The following ANKRD13C variants were observed in gnomAD, a reference collection of about 807,000 sequenced individuals.
ANKRD13C encodes the protein ankyrin repeat domain-containing protein 13C.
Under a neutral mutation model 65.5 loss-of-function variants are expected in ANKRD13C, and 16 were observed. The ratio of observed to expected loss-of-function variants is 0.24; its 90% CI spans 0.17 to 0.37. ANKRD13C has a LOEUF of 0.37. Among genes scored for constraint, ANKRD13C ranks in the 10% least tolerant of loss-of-function variants. ANKRD13C has a pLI of 1.00. For synonymous variants in ANKRD13C, 235 were observed against 238.7 expected, an observed-to-expected ratio of 0.98 and a Z score of 0.14; for missense variants, 503 against 655.9, an observed-to-expected ratio of 0.77 and a Z score of 2.55.
chr1:70,302,296 C>G (rs1477643395), intron 6 of ANKRD13C, among the ~76,000 whole-genome samples: 1 of 150,888 alleles, frequency 6.6e-6, no homozygotes, highest in African/African-American at 2.4e-5. Flanking sequence ...CTCATCAACT[C>G]ACACAGGGGC....
At chr1:70,283,613 G>A (rs1679494850) in intron 9 of ANKRD13C, among the ~76,000 whole-genome samples, 1 of 151,896 alleles carries the variant, frequency 6.6e-6, no homozygotes, top group Non-Finnish European at 1.5e-5. Flanking sequence ...TCAGGAGTTC[G>A]AGACCAGCCT....
At position 70,354,277 on chromosome 1, in the gene ANKRD13C, G is replaced by A; in HGVS notation, c.132C>T (p.Gly44=). 1 of 1,613,762 alleles carries A rather than the reference G, an allele frequency of 6.2e-7. No homozygotes were observed. The highest frequency in any genetic ancestry group is 8.5e-7 in the Non-Finnish European group (1 of 1,180,020). Residue 44 remains glycine, a synonymous_variant, in exon 1 of 13, where the codon GGC becomes GGT. Coordinates refer to ENST00000370944, the MANE Select transcript of ANKRD13C (RefSeq NM_030816.5). ...TCTTATGACAAGCTTTGCCGCCCTT[G>A]CCAATCCTGCTTCTGGTAAAGGTAC... ...LGGTFTRSRI[G]KGGKACHKIF...
chr1:70,337,520 G>A (rs1050568520), intron 1 of ANKRD13C, among the ~76,000 whole-genome samples: 2 of 152,034 alleles, frequency 1.3e-5, no homozygotes, highest in Non-Finnish European at 2.9e-5. Flanking sequence ...GACAGAGGTT[G>A]CAGTGAGCCA....
At chr1:70,304,619 G>A (rs150111864) in intron 6 of ANKRD13C, among the ~76,000 whole-genome samples, 1,649 of 151,944 alleles carry the variant, frequency 0.011, 31 homozygotes, top group African/African-American at 0.038. Flanking sequence ...GGCTGGTCTC[G>A]AACTCCAGGA....
chr1:70,270,926 G>A lies in ANKRD13C; in HGVS notation c.1425C>T (p.Pro475=), dbSNP rs540147942. The change falls in exon 12 of 13, where the codon CCC becomes CCT. Residue 475 remains proline (P), a synonymous_variant. Transcript: ENST00000370944. ...LLLNVLEVVA[P]FKHFNKLREF... ...CTCTAAGCTTGTTAAAGTGCTTGAA[G>A]GGAGCTACTACTTCTAAAACATTCA... is the stretch of plus-strand genomic sequence containing the variant. 1.8e-5 allele frequency: 29 copies of A among 1,612,468 alleles called. No individual in the cohort carries two copies. Among genetic ancestry groups the A allele is most frequent in the Non-Finnish European group, 2.4e-5 (28 of 1,178,896 alleles).
At chr1:70,295,606 T>C (rs1218540245) in intron 8 of ANKRD13C, among the ~76,000 whole-genome samples, 1 of 152,148 alleles carries the variant, frequency 6.6e-6, no homozygotes, top group Non-Finnish European at 1.5e-5. Flanking sequence ...ACAGATACAA[T>C]GGGAATTATG....
At chr1:70,323,725 ATT>A (rs761316959) in intron 3 of ANKRD13C, among the ~76,000 whole-genome samples, 10 of 141,188 alleles carry the variant, frequency 7.1e-5, no homozygotes, top group Non-Finnish European at 6.2e-5. Context: ...CAGCTAAATA[ATT>A]TTTTTTTTTT....
chr1:70,343,533 T>A (rs1283504034), intron 1 of ANKRD13C, among the ~76,000 whole-genome samples: 1 of 152,226 alleles, frequency 6.6e-6, no homozygotes, highest in East Asian at 1.9e-4. Flanking sequence ...CCAGTAATAT[T>A]AAGACCACTT....
chr1:70,312,030 C>T (rs1428890452), intron 5 of ANKRD13C, among the ~76,000 whole-genome samples: 1 of 152,086 alleles, frequency 6.6e-6, no homozygotes, highest in African/African-American at 2.4e-5. Context: ...TTTTTTCATA[C>T]AGTAGAGAGA....
At chr1:70,289,350 G>GT (rs1679756867) in intron 9 of ANKRD13C, among the ~76,000 whole-genome samples, 1 of 152,090 alleles carries the variant, frequency 6.6e-6, no homozygotes, top group Non-Finnish European at 1.5e-5. Context: ...GTTGTCTATC[G>GT]TAAGTTTAAA....
At chr1:70,264,265 C>CA (rs1291728238) in intron 12 of ANKRD13C, among the ~76,000 whole-genome samples, 17 of 152,142 alleles carry the variant, frequency 1.1e-4, no homozygotes, top group African/African-American at 4.1e-4. Context: ...CACTTGAGGT[C>CA]AGGAGTTTGA....
At chr1:70,265,824 CAAAAAAAAAAAAA>C (rs775757290) in intron 12 of ANKRD13C, among the ~76,000 whole-genome samples, 4 of 35,442 alleles carry the variant, frequency 1.1e-4, no homozygotes, top group Admixed American at 3.7e-4. Flanking sequence ...GACCTTGCCT[CAAAAAAAAAAAAA>C]AAAAAAAAAA....
intron 4 of ANKRD13C, among the ~76,000 whole-genome samples, chr1:70,314,735 A>C (rs1452450308): frequency 6.6e-6 from 1 of 151,742 alleles, no homozygotes; most frequent in Non-Finnish European, 1.5e-5. Flanking sequence ...ATATTTCTTA[A>C]GATCTAAAAA....
At chr1:70,337,889 C>T (rs907943187) in intron 1 of ANKRD13C, among the ~76,000 whole-genome samples, 2 of 152,144 alleles carry the variant, frequency 1.3e-5, no homozygotes, top group Non-Finnish European at 1.5e-5. Flanking sequence ...CACCTGAGGT[C>T]GGGAGTTCAA....
intron 3 of ANKRD13C, among the ~76,000 whole-genome samples, chr1:70,318,952 AT>A (rs1469717086): frequency 6.6e-6 from 1 of 152,128 alleles, no homozygotes; most frequent in Non-Finnish European, 1.5e-5. Flanking sequence ...AAGTTCTGGG[AT>A]TGCAGGCATG....
chr1:70,270,714 G>A (rs1020211438), intron 12 of ANKRD13C, 142 bp downstream of exon 12: 1 of 599,586 alleles, frequency 1.7e-6, no homozygotes. Flanking sequence ...CTCATCTCCT[G>A]CTGTGCACCC....
chr1:70,318,077 A>G (rs1322572108), intron 3 of ANKRD13C, among the ~76,000 whole-genome samples: 1 of 152,214 alleles, frequency 6.6e-6, no homozygotes, highest in Non-Finnish European at 1.5e-5. Context: ...TCCCTTTTCT[A>G]TATGACTTCA....
At chr1:70,313,294 C>T (rs1210948444) in intron 5 of ANKRD13C, among the ~76,000 whole-genome samples, 3 of 151,946 alleles carry the variant, frequency 2.0e-5, no homozygotes, top group Non-Finnish European at 4.4e-5. Flanking sequence ...TTTGAGAGGC[C>T]GAGGTAGGAG....
intron 6 of ANKRD13C, among the ~76,000 whole-genome samples, chr1:70,302,155 T>C (rs1027634686): frequency 6.6e-6 from 1 of 152,116 alleles, no homozygotes; most frequent in African/African-American, 2.4e-5. Context: ...TTACATAGAA[T>C]TTATCATCAA....
Sources: allele counts gnomAD v4.1 joint callset (sites outside exome capture counted in the v4.1 genomes callset), GRCh38; gene constraint gnomAD v4.1.1; transcripts MANE v1.5; gene names NCBI Gene and HGNC (gene_info 2026-07-23, HGNC 2026-07-21).